PRKD1: variants seen among roughly 807,000 people sequenced by gnomAD.
The protein encoded by PRKD1 is protein kinase D1.
PRKD1 carries 63 observed loss-of-function variants against 95.9 expected under a neutral mutation model. That is an observed-to-expected ratio of 0.66 (90% CI 0.54 to 0.81). The LOEUF is 0.81. PRKD1 is among the 30% of genes least tolerant of loss of function. The probability of loss-of-function intolerance (pLI) is 0.00; values close to 1 mark genes in which losing one functional copy is unlikely to be tolerated. For synonymous variants in PRKD1, 425 were observed against 423.1 expected (o/e 1.00, Z -0.05); for missense variants, 1,048 against 1,165.3 (o/e 0.90, Z 1.47).
At chr14:29,623,437 G>A (rs1045201563) in intron 13 of PRKD1, among the ~76,000 whole-genome samples, 9 of 152,154 alleles carry the variant, frequency 5.9e-5, no homozygotes, top group African/African-American at 2.2e-4. Flanking sequence ...ATTATGACAT[G>A]CTTGCATGAG....
intron 2 of PRKD1, among the ~76,000 whole-genome samples, chr14:29,713,078 C>T (rs1466119502): frequency 6.6e-6 from 1 of 152,054 alleles, no homozygotes; most frequent in Non-Finnish European, 1.5e-5. Flanking sequence ...TTCTGCCTTT[C>T]CTTCCTTTTC....
At chr14:29,612,869 C>T (rs185127188) in intron 13 of PRKD1, among the ~76,000 whole-genome samples, 131 of 152,220 alleles carry the variant, frequency 8.6e-4, no homozygotes, top group African/African-American at 2.9e-3. Flanking sequence ...GAGGCCTAGG[C>T]GGGTGGATCA....
chr14:29,786,441 T>C (rs979635997), intron 1 of PRKD1, among the ~76,000 whole-genome samples: 4 of 152,202 alleles, frequency 2.6e-5, no homozygotes, highest in Non-Finnish European at 5.9e-5. Flanking sequence ...ATAAGTTTGG[T>C]ATACTTCAGC....
chr14:29,618,805 C>G (rs1240162814), intron 13 of PRKD1, among the ~76,000 whole-genome samples: 1 of 150,702 alleles, frequency 6.6e-6, no homozygotes, highest in Non-Finnish European at 1.5e-5. Context: ...GAGAGCTGTA[C>G]CTTTTCTCAC....
chr14:29,591,193 T>C (rs1201241922), intron 16 of PRKD1: 2 of 152,170 alleles, frequency 1.3e-5, no homozygotes, highest in East Asian at 3.9e-4. Flanking sequence ...GTTTCTTCTT[T>C]ATTCCTGAAA....
chr14:29,892,380 A>G (rs572797726), intron 1 of PRKD1, among the ~76,000 whole-genome samples: 2 of 152,158 alleles, frequency 1.3e-5, no homozygotes, highest in East Asian at 1.9e-4. Flanking sequence ...CTTTGTATCA[A>G]GAACAATATT....
chr14:29,689,012 A>G (rs2139291714), intron 2 of PRKD1, among the ~76,000 whole-genome samples: 1 of 151,594 alleles, frequency 6.6e-6, no homozygotes, highest in South Asian at 2.1e-4. Flanking sequence ...TAAAAACCCC[A>G]GAAGAAAATC....
chr14:29,813,009 C>T (rs1457342591), intron 1 of PRKD1, among the ~76,000 whole-genome samples: 1 of 152,098 alleles, frequency 6.6e-6, no homozygotes, highest in African/African-American at 2.4e-5. Context: ...ACTCAGGAGG[C>T]TGAGGCAGGA....
At chr14:29,750,573 C>T (rs1182463479) in intron 1 of PRKD1, among the ~76,000 whole-genome samples, 5 of 151,774 alleles carry the variant, frequency 3.3e-5, no homozygotes. Flanking sequence ...CAGGAACCAG[C>T]CTTGGACAGG....
chr14:29,727,162 T>C (rs1434946969), intron 1 of PRKD1, among the ~76,000 whole-genome samples: 1 of 152,328 alleles, frequency 6.6e-6, no homozygotes, highest in Admixed American at 6.5e-5. Context: ...ATGGTGAGCA[T>C]TTTTTCATGT....
chr14:29,792,216 A>G (rs1044057388), intron 1 of PRKD1, among the ~76,000 whole-genome samples: 2 of 152,176 alleles, frequency 1.3e-5, no homozygotes, highest in Non-Finnish European at 2.9e-5. Context: ...CAAAATTATT[A>G]TGTTAGCTAA....
chr14:29,895,801 G>A (rs1894104314), intron 1 of PRKD1, among the ~76,000 whole-genome samples: 2 of 152,142 alleles, frequency 1.3e-5, no homozygotes, highest in African/African-American at 4.8e-5. Context: ...TTACTCAAAT[G>A]TCACGTTCTC....
chr14:29,833,755 C>T (rs1242253826), intron 1 of PRKD1, among the ~76,000 whole-genome samples: 2 of 152,030 alleles, frequency 1.3e-5, no homozygotes, highest in African/African-American at 2.4e-5. Context: ...CTTTGGTTGA[C>T]TTATCTTCCT....
chr14:29,717,927 C>T (rs1249512275), intron 2 of PRKD1, among the ~76,000 whole-genome samples: 1 of 152,058 alleles, frequency 6.6e-6, no homozygotes, highest in East Asian at 1.9e-4. Context: ...TGTGTCATTG[C>T]TTCTCCATCT....
intron 16 of PRKD1, among the ~76,000 whole-genome samples, chr14:29,583,938 T>A (rs906082688): frequency 6.6e-6 from 1 of 152,160 alleles, no homozygotes; most frequent in African/African-American, 2.4e-5. Flanking sequence ...CCTTGCCCTA[T>A]CAGTTTAGAG....
At chr14:29,855,048 T>C (rs1356413169) in intron 1 of PRKD1, among the ~76,000 whole-genome samples, 2 of 152,214 alleles carry the variant, frequency 1.3e-5, no homozygotes, top group East Asian at 1.9e-4. Flanking sequence ...AGGGCCCTCA[T>C]TGAGAAACTC....
chr14:29,853,327 T>G (rs1172420857), intron 1 of PRKD1, among the ~76,000 whole-genome samples: 1 of 152,206 alleles, frequency 6.6e-6, no homozygotes, highest in Non-Finnish European at 1.5e-5. Context: ...ATTTCAGCCT[T>G]GGATTACAGA....
intron 10 of PRKD1, among the ~76,000 whole-genome samples, chr14:29,629,896 G>C (rs988684158): frequency 2.0e-5 from 3 of 151,988 alleles, no homozygotes; most frequent in African/African-American, 7.2e-5. Context: ...CAAATAACAA[G>C]ACTTGCATTC....
At chr14:29,600,567 G>T (rs1468673186) in intron 13 of PRKD1, among the ~76,000 whole-genome samples, 2 of 152,076 alleles carry the variant, frequency 1.3e-5, no homozygotes, top group African/African-American at 4.8e-5. Context: ...CGTGTTCACC[G>T]GATCCAAAAA....
Sources: allele counts gnomAD v4.1 joint callset (sites outside exome capture counted in the v4.1 genomes callset), GRCh38; gene constraint gnomAD v4.1.1; transcripts MANE v1.5; gene names NCBI Gene and HGNC (gene_info 2026-07-23, HGNC 2026-07-21).